GNG7: variants seen among roughly 807,000 people sequenced by gnomAD.
GNG7 encodes guanine nucleotide-binding protein G(I)/G(S)/G(O) subunit gamma-7.
Under a neutral mutation model 4.0 loss-of-function variants are expected in GNG7, and 1 was observed. The observed-to-expected ratio is 0.25, with a 90% CI of 0.09 to 1.18. The LOEUF (loss-of-function observed/expected upper bound fraction) is 1.18. GNG7 is among the 50% of genes most tolerant of loss of function. GNG7 has a pLI of 0.50. For synonymous variants in GNG7, 34 were observed against 36.9 expected (o/e 0.92, Z 0.29); for missense variants, 86 against 91.9 (o/e 0.94, Z 0.26).
At chr19:2,666,140 C>A (rs1424474609) in intron 1 of GNG7, among the ~76,000 whole-genome samples, 1 of 146,474 alleles carries the variant, frequency 6.8e-6, no homozygotes, top group African/African-American at 2.5e-5. Flanking sequence ...TGCCACCGTG[C>A]CCGGCTTATG....
At chr19:2,605,849 G>C (rs1169681484) in intron 2 of GNG7, among the ~76,000 whole-genome samples, 1 of 152,048 alleles carries the variant, frequency 6.6e-6, no homozygotes, top group African/African-American at 2.4e-5. Flanking sequence ...TAATTGTTTA[G>C]GGTCCACCTG....
chr19:2,549,020 C>G (rs758218131), intron 3 of GNG7, among the ~76,000 whole-genome samples: 3 of 152,134 alleles, frequency 2.0e-5, no homozygotes, highest in Non-Finnish European at 1.5e-5. Flanking sequence ...GTTCCTGCCA[C>G]ACACCTTGAA....
chr19:2,596,080 C>T (rs1981010694), intron 2 of GNG7, among the ~76,000 whole-genome samples: 2 of 152,290 alleles, frequency 1.3e-5, no homozygotes, highest in South Asian at 2.1e-4. Context: ...AGTGGGCGGC[C>T]GGGCGCGGTG....
At chr19:2,627,163 C>A (rs1252681675) in intron 2 of GNG7, among the ~76,000 whole-genome samples, 1 of 152,068 alleles carries the variant, frequency 6.6e-6, no homozygotes, top group Non-Finnish European at 1.5e-5. Context: ...ATCTTCTATC[C>A]CAGAGGGTCT....
intron 1 of GNG7, among the ~76,000 whole-genome samples, chr19:2,662,276 A>AT (rs1983201072): frequency 6.7e-6 from 1 of 148,494 alleles, no homozygotes; most frequent in Non-Finnish European, 1.5e-5. Flanking sequence ...AAAAAAAAAA[A>AT]AAAATCAACC....
chr19:2,552,960 G>C (rs1039054950), intron 3 of GNG7, among the ~76,000 whole-genome samples: 1 of 149,938 alleles, frequency 6.7e-6, no homozygotes, highest in African/African-American at 2.5e-5. Flanking sequence ...AAGGAAGAAC[G>C]AAGGCAGCCC....
chr19:2,515,516 C>T (rs1189012374), intron 4 of GNG7, among the ~76,000 whole-genome samples: 1 of 152,008 alleles, frequency 6.6e-6, no homozygotes, highest in African/African-American at 2.4e-5. Context: ...CAACCTCCAC[C>T]TCGCGGGTTC....
chr19:2,651,421 C>T (rs1982824925), intron 1 of GNG7, among the ~76,000 whole-genome samples: 1 of 133,638 alleles, frequency 7.5e-6, no homozygotes. Flanking sequence ...TCCCTCCTTC[C>T]TTTCTTCCTC....
intron 3 of GNG7, among the ~76,000 whole-genome samples, chr19:2,548,805 AAAAC>A (rs58406508): frequency 0.24 from 36,417 of 148,746 alleles, 5,310 homozygotes; most frequent in African/African-American, 0.44. Context: ...AAAACACAAC[AAAAC>A]AAACAAACAA....
At chr19:2,639,760 G>GA (rs1274685871) in intron 2 of GNG7, among the ~76,000 whole-genome samples, 2 of 4,152 alleles carry the variant, frequency 4.8e-4, no homozygotes, top group East Asian at 3.4e-3. Flanking sequence ...GGGGAGGAAG[G>GA]AGGGGGGAAG....
At chr19:2,700,841 C>T (rs1913383931) in intron 1 of GNG7, 1 of 152,156 alleles carries the variant, frequency 6.6e-6, no homozygotes, top group African/African-American at 2.4e-5. Context: ...GGCAAGATCG[C>T]AGCATCCCAC....
chr19:2,567,538 C>G (rs1346967658), intron 2 of GNG7, among the ~76,000 whole-genome samples: 5 of 152,102 alleles, frequency 3.3e-5, no homozygotes. Context: ...TTTGCCCAGG[C>G]TGGTCTTGAG....
At chr19:2,608,441 C>T (rs62123719) in intron 2 of GNG7, among the ~76,000 whole-genome samples, 29,099 of 152,146 alleles carry the variant, frequency 0.19, 3,395 homozygotes, top group Non-Finnish European at 0.27. Flanking sequence ...GGCACACTGA[C>T]GGCCTCGGTG....
At chr19:2,681,159 T>A (rs1983725019) in intron 1 of GNG7, among the ~76,000 whole-genome samples, 1 of 143,980 alleles carries the variant, frequency 6.9e-6, no homozygotes, top group African/African-American at 2.4e-5. Flanking sequence ...TTTTTATTTT[T>A]ATTTTTTTTG....
intron 1 of GNG7, among the ~76,000 whole-genome samples, chr19:2,672,138 A>G (rs531002703): frequency 4.7e-5 from 7 of 150,026 alleles, no homozygotes; most frequent in African/African-American, 1.7e-4. Flanking sequence ...GCCAGGTTCA[A>G]GCAATTCTCC....
chr19:2,648,584 T>C (rs1982728600), intron 1 of GNG7, among the ~76,000 whole-genome samples: 1 of 152,202 alleles, frequency 6.6e-6, no homozygotes, highest in African/African-American at 2.4e-5. Context: ...TCAGGGTAAT[T>C]TACCATCAAT....
rs1237132184 is a variant in GNG7 at position 2,557,323 on chromosome 19, G to A, written c.-77-2135C>T. On this transcript the variant is annotated intron_variant, in intron 2 of 4. Coordinates refer to ENST00000382159, the MANE Select transcript of GNG7 (RefSeq NM_052847.3). This position sits in a 1 kb window ranked among gnomAD's most constrained non-coding sequence, Gnocchi z 5.1. ...TGCACATACACGCACAGACACACATGTGCACACAGACACACACATGTGCAC... is the reference window on the plus strand; with the variant it reads ...TGCACATACACGCACAGACACACATATGCACACAGACACACACATGTGCAC... Among the ~76,000 whole-genome samples, 4 of 132,700 alleles carry A rather than the reference G, an allele frequency of 3.0e-5. No homozygotes were observed. The highest frequency in any genetic ancestry group is 2.5e-4 in the South Asian group (1 of 3,972). 87.1% of individuals were successfully genotyped at this position (132,700 alleles called of 152,430 possible).
chr19:2,599,358 G>T (rs927679839), intron 2 of GNG7, among the ~76,000 whole-genome samples: 1 of 152,096 alleles, frequency 6.6e-6, no homozygotes, highest in Non-Finnish European at 1.5e-5. Flanking sequence ...CCCAGCCGAG[G>T]CTGGATGAAT....
At chr19:2,695,124 C>T (rs796803227) in intron 1 of GNG7, among the ~76,000 whole-genome samples, 4 of 152,154 alleles carry the variant, frequency 2.6e-5, no homozygotes, top group African/African-American at 9.6e-5. Flanking sequence ...TGCAGTGAGC[C>T]AGGCTGAGAA....
Sources: allele counts gnomAD v4.1 joint callset (sites outside exome capture counted in the v4.1 genomes callset), GRCh38; gene constraint gnomAD v4.1.1; non-coding constraint Gnocchi (gnomAD v3.1); transcripts MANE v1.5; gene names NCBI Gene and HGNC (gene_info 2026-07-23, HGNC 2026-07-21).